Variants in MBTD1 observed in about 807,000 individuals in gnomAD.
The protein encoded by MBTD1 is MBT domain-containing protein 1.
In MBTD1, 24 loss-of-function variants were observed where a neutral mutation model predicts 87.8. The ratio of observed to expected loss-of-function variants is 0.27; its 90% CI spans 0.20 to 0.38. The LOEUF (loss-of-function observed/expected upper bound fraction) is 0.38. MBTD1 is among the 10% of genes least tolerant of loss of function. The pLI is 1.00. For synonymous variants in MBTD1, 237 were observed against 248.6 expected (o/e 0.95, Z 0.44); for missense variants, 436 against 760.2 (o/e 0.57, Z 5.02).
chr17:51,244,321 AT>A (rs1411541215), intron 2 of MBTD1, among the ~76,000 whole-genome samples: 2 of 151,952 alleles, frequency 1.3e-5, no homozygotes, highest in East Asian at 1.9e-4. Context: ...ACTAACTTCT[AT>A]TTTTTTCCCA....
At chr17:51,215,625 A>G (rs1469679762) in intron 6 of MBTD1, among the ~76,000 whole-genome samples, 1 of 152,174 alleles carries the variant, frequency 6.6e-6, no homozygotes, top group Non-Finnish European at 1.5e-5. Flanking sequence ...CTTTTTAAAG[A>G]TCTCTCTTTA....
intron 15 of MBTD1, chr17:51,192,494 TAA>T: frequency 1.6e-6 from 1 of 634,036 alleles, no homozygotes; most frequent in Non-Finnish European, 2.7e-6. Flanking sequence ...TACCTACCAA[TAA>T]ACTTTTAGTA....
At chr17:51,240,354 A>G (rs1248909222) in intron 2 of MBTD1, among the ~76,000 whole-genome samples, 3 of 152,176 alleles carry the variant, frequency 2.0e-5, no homozygotes, top group East Asian at 3.9e-4. Context: ...AAGATCCCAC[A>G]GTACATTTAG....
chr17:51,232,680 G>A (rs764107627), intron 2 of MBTD1, among the ~76,000 whole-genome samples: 1 of 152,030 alleles, frequency 6.6e-6, no homozygotes, highest in Non-Finnish European at 1.5e-5. Context: ...TTAAAGGAGT[G>A]AGTATGGAGA....
intron 6 of MBTD1, among the ~76,000 whole-genome samples, chr17:51,212,082 A>G (rs535279631): frequency 6.6e-6 from 1 of 152,312 alleles, no homozygotes; most frequent in African/African-American, 2.4e-5. Context: ...GTATGCGGCC[A>G]GGCGCGGTGG....
rs1555673762 is a variant in MBTD1, at chr17:51,179,504, A to ATATT, written c.*1071_*1072insAATA. The ATATT allele has an allele frequency of 3.4e-4, 27 of 80,170 alleles. 2 individuals are homozygous for ATATT. The highest frequency in any genetic ancestry group is 5.5e-4 in the Non-Finnish European group (21 of 38,312). The allele number at this position is 80,170 out of a possible 1,614,324, so 5.0% of individuals were successfully genotyped here. ...CAATTTTATATATATATATATATAT[A>ATATT]TATATATATATATATATATATATAT... On this transcript the variant is annotated 3_prime_UTR_variant, in exon 17 of 17. Coordinates refer to ENST00000586178, the MANE Select transcript of MBTD1 (RefSeq NM_017643.3).
intron 2 of MBTD1, among the ~76,000 whole-genome samples, chr17:51,243,172 GC>G (rs2054248101): frequency 6.6e-6 from 1 of 152,102 alleles, no homozygotes; most frequent in Non-Finnish European, 1.5e-5. Context: ...GTAATCATTT[GC>G]ACCAGCAATA....
intron 10 of MBTD1, among the ~76,000 whole-genome samples, 167 bp from the exon 11 acceptor site, chr17:51,202,244 A>C (rs545566856): frequency 6.6e-6 from 1 of 152,208 alleles, no homozygotes; most frequent in Non-Finnish European, 1.5e-5. Flanking sequence ...TTCTCTCTTC[A>C]GAGTACATGT....
At chr17:51,259,484 CA>C (rs1302464379) in intron 1 of MBTD1, among the ~76,000 whole-genome samples, 1 of 152,220 alleles carries the variant, frequency 6.6e-6, no homozygotes, top group African/African-American at 2.4e-5. Context: ...TCCACTCTCC[CA>C]CCCTGGGTGG....
At position 51,179,487 on chromosome 17, in the gene MBTD1, TATATATATA is replaced by T. The variant is rs2050206519; in HGVS notation, c.*1080_*1088del. On this transcript the variant is annotated 3_prime_UTR_variant, in exon 17 of 17. Transcript: ENST00000586178. The stretch of plus-strand genomic sequence containing the variant: ...CTGAATACAATTAAAGACAATTTTA[TATATATATA>T]TATATATATATATATATATATATAT... The T allele has an allele frequency of 1.3e-4, 2 of 15,562 alleles. No individual in the cohort carries two copies. The highest frequency in any genetic ancestry group is 2.3e-3 in the East Asian group (1 of 428). 1.0% of individuals were successfully genotyped at this position (15,562 alleles called of 1,614,324 possible).
chr17:51,246,011 T>C (rs1230719130), intron 2 of MBTD1, among the ~76,000 whole-genome samples: 1 of 152,222 alleles, frequency 6.6e-6, no homozygotes, highest in East Asian at 1.9e-4. Flanking sequence ...TTGTGTCTTT[T>C]GGGAATGTTT....
chr17:51,239,211 TA>T (rs1483714392), intron 2 of MBTD1, among the ~76,000 whole-genome samples: 1 of 152,166 alleles, frequency 6.6e-6, no homozygotes, highest in East Asian at 1.9e-4. Context: ...AAAAACAGTT[TA>T]GGGGATAGAC....
At chr17:51,238,674 G>C (rs1027989279) in intron 2 of MBTD1, among the ~76,000 whole-genome samples, 9 of 152,156 alleles carry the variant, frequency 5.9e-5, no homozygotes, top group African/African-American at 2.2e-4. Context: ...AATGAAAAAA[G>C]TGAACCAATC....
chr17:51,243,815 A>T (rs1397432049), intron 2 of MBTD1, among the ~76,000 whole-genome samples: 1 of 152,064 alleles, frequency 6.6e-6, no homozygotes, highest in African/African-American at 2.4e-5. Flanking sequence ...GTGTACACTG[A>T]CGTGTTTCGT....
chr17:51,211,509 A>C (rs1044462159), intron 6 of MBTD1, among the ~76,000 whole-genome samples: 14 of 151,476 alleles, frequency 9.2e-5, no homozygotes, highest in Non-Finnish European at 1.9e-4. Flanking sequence ...CTGTTTAAAA[A>C]AAAAAAAAAA....
intron 14 of MBTD1, among the ~76,000 whole-genome samples, 185 bp downstream of exon 14, chr17:51,193,241 CAT>C (rs1226938447): frequency 1.3e-5 from 2 of 151,714 alleles, no homozygotes; most frequent in African/African-American, 2.4e-5. Flanking sequence ...AAAAACGAAA[CAT>C]AGTTTGGAAA....
At chr17:51,245,136 G>A (rs187496908) in intron 2 of MBTD1, among the ~76,000 whole-genome samples, 17 of 152,192 alleles carry the variant, frequency 1.1e-4, no homozygotes, top group African/African-American at 2.9e-4. Flanking sequence ...TCCTGACCTC[G>A]TGATCTGCTC....
At chr17:51,247,036 TTTC>T (rs2054478749) in intron 2 of MBTD1, among the ~76,000 whole-genome samples, 1 of 152,212 alleles carries the variant, frequency 6.6e-6, no homozygotes, top group Non-Finnish European at 1.5e-5. Flanking sequence ...GATTGTGGTG[TTTC>T]TTAATAAGAT....
intron 6 of MBTD1, among the ~76,000 whole-genome samples, chr17:51,207,497 C>A (rs2051917282): frequency 6.6e-6 from 1 of 152,054 alleles, no homozygotes; most frequent in South Asian, 2.1e-4. Flanking sequence ...GAAATCTAGT[C>A]CACATAGATG....
Sources: gnomAD v4.1 joint callset for allele counts (sites outside exome capture counted in the v4.1 genomes callset) on GRCh38, gnomAD v4.1.1 for gene constraint, MANE v1.5 for transcripts, NCBI Gene and HGNC (gene_info 2026-07-23, HGNC 2026-07-21) for gene names.